Variants in TEAD1 observed in about 807,000 individuals in gnomAD.
TEAD1 encodes TEA domain transcription factor 1.
A neutral mutation model predicts 54.9 loss-of-function variants in TEAD1; 9 were observed. The ratio of observed to expected loss-of-function variants is 0.16; its 90% CI spans 0.10 to 0.29. The LOEUF is 0.29. TEAD1 is among the 10% of genes least tolerant of loss of function. The pLI is 1.00. For missense variants in TEAD1, 387 were observed against 535.9 expected (o/e 0.72, Z 2.74); for synonymous variants, 200 against 187.8 (o/e 1.07, Z -0.53).
At chr11:12,825,734 T>A (rs1946639341) in intron 3 of TEAD1, among the ~76,000 whole-genome samples, 1 of 152,204 alleles carries the variant, frequency 6.6e-6, no homozygotes, top group Non-Finnish European at 1.5e-5. Context: ...ATTAGGGGTC[T>A]TATATTTCTT....
intron 3 of TEAD1, among the ~76,000 whole-genome samples, chr11:12,775,759 C>T (rs1196919053): frequency 6.6e-6 from 1 of 152,074 alleles, no homozygotes; most frequent in Non-Finnish European, 1.5e-5. Flanking sequence ...ATAGGAGACT[C>T]GGTTTCTATT....
At chr11:12,788,557 A>G (rs1945731045) in intron 3 of TEAD1, among the ~76,000 whole-genome samples, 1 of 152,254 alleles carries the variant, frequency 6.6e-6, no homozygotes, top group South Asian at 2.1e-4. Context: ...TCATTTGAAA[A>G]GAAGCAAAAA....
At chr11:12,891,231 G>A (rs1345725266) in intron 9 of TEAD1, among the ~76,000 whole-genome samples, 1 of 152,198 alleles carries the variant, frequency 6.6e-6, no homozygotes, top group Non-Finnish European at 1.5e-5. Flanking sequence ...AGGCTTTGTA[G>A]TGATTTTAGT....
At chr11:12,815,202 A>T (rs902152076) in intron 3 of TEAD1, among the ~76,000 whole-genome samples, 1 of 152,152 alleles carries the variant, frequency 6.6e-6, no homozygotes, top group Admixed American at 6.5e-5. Context: ...TATCTCCCGC[A>T]GTGGGCTGGA....
At chr11:12,865,821 A>T (rs1391099700) in intron 5 of TEAD1, among the ~76,000 whole-genome samples, 8 of 152,256 alleles carry the variant, frequency 5.3e-5, no homozygotes, top group Non-Finnish European at 8.8e-5. Flanking sequence ...TTCGTTTATA[A>T]TAAAAATTGA....
intron 2 of TEAD1, among the ~76,000 whole-genome samples, chr11:12,717,711 AC>A (rs1318531112): frequency 6.6e-6 from 1 of 152,028 alleles, no homozygotes; most frequent in Non-Finnish European, 1.5e-5. Context: ...AGGGGTCTGT[AC>A]CCCACTGCTC....
intron 2 of TEAD1, among the ~76,000 whole-genome samples, chr11:12,704,310 C>T (rs981395938): frequency 6.6e-6 from 1 of 152,220 alleles, no homozygotes; most frequent in Non-Finnish European, 1.5e-5. Flanking sequence ...GTTGAAGTGT[C>T]TGAGGCCAGT....
At chr11:12,777,990 AT>A (rs373080081) in intron 3 of TEAD1, among the ~76,000 whole-genome samples, 3 of 152,264 alleles carry the variant, frequency 2.0e-5, no homozygotes, top group African/African-American at 7.2e-5. Context: ...AATAATGAAT[AT>A]TTGTTCTTGC....
rs1949163066 is a variant in TEAD1, at chr11:12,941,607, A to C, written c.*4385A>C. The C allele has an allele frequency of 1.3e-5, 2 of 152,680 alleles. No homozygotes were observed. The highest frequency in any genetic ancestry group is 4.1e-4 in the South Asian group (2 of 4,834). 9.5% of individuals were successfully genotyped at this position (152,680 alleles called of 1,614,324 possible). Reference sequence around the variant, plus strand: ...ACTACCTGAACTAACGAAGGGTAGAACTAATTCTGTTTGTCAGTGTTCACA... The same window carrying C: ...ACTACCTGAACTAACGAAGGGTAGACCTAATTCTGTTTGTCAGTGTTCACA... On this transcript the variant is annotated 3_prime_UTR_variant, in exon 13 of 13. Coordinates refer to ENST00000527636, the MANE Select transcript of TEAD1 (RefSeq NM_021961.6).
chr11:12,676,880 A>G (rs1943104518), intron 2 of TEAD1, among the ~76,000 whole-genome samples: 1 of 152,214 alleles, frequency 6.6e-6, no homozygotes, highest in Non-Finnish European at 1.5e-5. Context: ...AGCTATATCC[A>G]TTACGGGTTC....
chr11:12,686,463 A>T (rs779553858), intron 2 of TEAD1, among the ~76,000 whole-genome samples: 2 of 152,182 alleles, frequency 1.3e-5, no homozygotes, highest in African/African-American at 4.8e-5. Flanking sequence ...GTATTTTTTT[A>T]AAAATAATTC....
intron 9 of TEAD1, among the ~76,000 whole-genome samples, chr11:12,892,573 A>T (rs1256823708): frequency 6.6e-6 from 1 of 152,130 alleles, no homozygotes; most frequent in African/African-American, 2.4e-5. Flanking sequence ...GAACCTGGGA[A>T]GCAGAGGTTG....
At position 12,885,045 on chromosome 11, in the gene TEAD1, A is replaced by AGATAGGTTCTGTTTTCCCCAT. The variant is rs768119261; in HGVS notation, c.699+1942_699+1962dup. ...CATTCTGTCCTTACAGTGCCCCATC[A>AGATAGGTTCTGTTTTCCCCAT]GATAGGTTCTGTTTTCCCCATGATA... On this transcript the variant is annotated intron_variant, in intron 9 of 12. Transcript: ENST00000527636. Among the ~76,000 whole-genome samples, 3 of 152,098 alleles carry AGATAGGTTCTGTTTTCCCCAT rather than the reference A, an allele frequency of 2.0e-5. No homozygotes were observed. The East Asian group carries it at 5.8e-4, about 29-fold the overall frequency.
At chr11:12,693,596 AG>A (rs1347749930) in intron 2 of TEAD1, among the ~76,000 whole-genome samples, 1 of 152,240 alleles carries the variant, frequency 6.6e-6, no homozygotes, top group Non-Finnish European at 1.5e-5. Flanking sequence ...CCATGGATTA[AG>A]CTTTGATGAC....
At chr11:12,918,985 G>C (rs1948761107) in intron 10 of TEAD1, among the ~76,000 whole-genome samples, 3 of 152,208 alleles carry the variant, frequency 2.0e-5, no homozygotes, top group African/African-American at 7.2e-5. Flanking sequence ...AGATGATTGT[G>C]CCTGGAAGGA....
intron 3 of TEAD1, among the ~76,000 whole-genome samples, chr11:12,857,359 A>G (rs1947407182): frequency 6.6e-6 from 1 of 152,170 alleles, no homozygotes; most frequent in Non-Finnish European, 1.5e-5. Context: ...TAAAGAGGTG[A>G]CATGTTGTGC....
chr11:12,742,145 T>A (rs1299869507), intron 2 of TEAD1, among the ~76,000 whole-genome samples: 1 of 152,212 alleles, frequency 6.6e-6, no homozygotes, highest in Non-Finnish European at 1.5e-5. Context: ...ATTCTTTGAT[T>A]ACCTCTAGTG....
intron 3 of TEAD1, among the ~76,000 whole-genome samples, chr11:12,831,023 C>G (rs1300694012): frequency 6.6e-6 from 1 of 152,162 alleles, no homozygotes; most frequent in East Asian, 1.9e-4. Context: ...CTCCTTCTCT[C>G]TTGTTCTCTG....
chr11:12,845,958 C>T (rs967186555), intron 3 of TEAD1, among the ~76,000 whole-genome samples: 4 of 152,242 alleles, frequency 2.6e-5, no homozygotes, highest in Non-Finnish European at 5.9e-5. Context: ...AGGCACGAAT[C>T]ATCCAGCAGC....
Sources: allele counts gnomAD v4.1 joint callset (sites outside exome capture counted in the v4.1 genomes callset), GRCh38; gene constraint gnomAD v4.1.1; transcripts MANE v1.5; gene names NCBI Gene and HGNC (gene_info 2026-07-23, HGNC 2026-07-21).